The following FSCN1 variants were observed in gnomAD, a reference collection of about 807,000 sequenced individuals.
FSCN1 encodes fascin actin-bundling protein 1, also known as fascin.
Under a neutral mutation model 39.7 loss-of-function variants are expected in FSCN1, and 10 were observed. That is an observed-to-expected ratio of 0.25 (90% CI 0.16 to 0.43). FSCN1 has a LOEUF of 0.43. FSCN1 is among the 20% of genes least tolerant of loss of function. FSCN1 has a pLI of 1.00. For missense variants in FSCN1, 525 were observed against 723.8 expected, an observed-to-expected ratio of 0.73 and a Z score of 3.15; for synonymous variants, 322 against 320.0, an observed-to-expected ratio of 1.01 and a Z score of -0.07.
At chr7:5,598,648 C>A (rs1318659552) in intron 1 of FSCN1, among the ~76,000 whole-genome samples, 2 of 152,330 alleles carry the variant, frequency 1.3e-5, no homozygotes, top group African/African-American at 2.4e-5. Context: ...TCCACTGTCT[C>A]CCCTTCTCCT....
rs1009002593 is a variant in FSCN1 at position 5,592,854 on chromosome 7, C to T, written c.-83C>T. 6 of 804,292 alleles carry T rather than the reference C, an allele frequency of 7.5e-6. No homozygotes were observed. The highest frequency in any genetic ancestry group is 3.2e-5 in the Admixed American group (1 of 31,516). 49.8% of individuals were successfully genotyped at this position (804,292 alleles called of 1,614,324 possible). On this transcript the variant is annotated 5_prime_UTR_variant, in exon 1 of 5. Transcript: ENST00000382361. The surrounding 1 kb of genome is among the most constrained non-coding windows in gnomAD (Gnocchi z 5.3). ...GAGGGTGCGTGCGGGCCGCGGCAGC[C>T]GAACAAAGGAGCAGGGGCGCCGCCG... is the stretch of plus-strand genomic sequence containing the variant.
In FSCN1 at chr7:5,592,843, G is replaced by T; in HGVS notation, c.-94G>T. On this transcript the variant is annotated 5_prime_UTR_variant, in exon 1 of 5. Coordinates refer to ENST00000382361, the MANE Select transcript of FSCN1 (RefSeq NM_003088.4). The surrounding 1 kb of genome is among the most constrained non-coding windows in gnomAD (Gnocchi z 5.3). Reference sequence around the variant, plus strand: ...GGAGCGCTGCGGAGGGTGCGTGCGGGCCGCGGCAGCCGAACAAAGGAGCAG... The same window carrying T: ...GGAGCGCTGCGGAGGGTGCGTGCGGTCCGCGGCAGCCGAACAAAGGAGCAG... 2.8e-6 allele frequency: 2 copies of T among 715,880 alleles called. No homozygotes were observed. The highest frequency in any genetic ancestry group is 4.5e-6 in the Non-Finnish European group (2 of 445,506). The allele number at this position is 715,880 out of a possible 1,614,324, so 44.3% of individuals were successfully genotyped here.
In FSCN1 at chr7:5,605,293, C is replaced by T. The variant is rs772568749; in HGVS notation, c.1301C>T (p.Thr434Met). 3.1e-5 allele frequency: 50 copies of T among 1,613,064 alleles called. No individual in the cohort carries two copies. Among genetic ancestry groups the T allele is most frequent in the South Asian group, 2.6e-4 (24 of 91,074 alleles). The change falls in exon 5 of 5, where the codon ACG (threonine) becomes ATG (methionine). Residue 434 changes from threonine to methionine, a missense_variant. Physicochemically the swap from Thr to Met is moderately conservative, Grantham distance 81 (BLOSUM62 -1). This residue lies in a region of FSCN1 where 275 missense variants were observed against 351.9 expected (regional missense o/e 0.78). Transcript: ENST00000382361. This position sits in a 1 kb window ranked among gnomAD's most constrained non-coding sequence, Gnocchi z 6.9. Reference protein sequence around the residue: ...NIKDSTGKYWTVGSDSAVTSS... With the variant: ...NIKDSTGKYWMVGSDSAVTSS... ...CCAGACTCCACAGGCAAATACTGGA[C>T]GGTGGGCAGTGACTCCGCGGTCACC...
rs1785783471 is a variant in FSCN1, at chr7:5,599,180, G to A, written c.833-4077G>A. Among the ~76,000 whole-genome samples the A allele has an allele frequency of 6.6e-6, 1 of 152,174 alleles. No individual in the cohort carries two copies. Among genetic ancestry groups the A allele is most frequent in the Non-Finnish European group, 1.5e-5 (1 of 68,008 alleles). On this transcript the variant is annotated intron_variant, in intron 1 of 4. Transcript: ENST00000382361. This position sits in a 1 kb window ranked among gnomAD's most constrained non-coding sequence, Gnocchi z 5.6. ...TCCCGTGCTTGGCTGGGGTGTGGTGGCTGAGCCAGCCCACCCAGTGCGGTG... is the reference window on the plus strand; with the variant it reads ...TCCCGTGCTTGGCTGGGGTGTGGTGACTGAGCCAGCCCACCCAGTGCGGTG...
chr7:5,604,072 G>C (rs758354528), intron 4 of FSCN1, 42 bp downstream of exon 4: 1 of 1,588,712 alleles, frequency 6.3e-7, no homozygotes, highest in Admixed American at 1.7e-5. Flanking sequence ...GGAACCCCTC[G>C]GTCGGGGCTG....
At chr7:5,602,095 G>A (rs1375685379) in intron 1 of FSCN1, among the ~76,000 whole-genome samples, 10 of 151,796 alleles carry the variant, frequency 6.6e-5, no homozygotes, top group African/African-American at 2.4e-4. Flanking sequence ...TAGTAGAGAC[G>A]GGGTGACTCC....
intron 1 of FSCN1, chr7:5,594,027 C>T (rs1160321418): frequency 1.6e-5 from 8 of 509,984 alleles, no homozygotes; most frequent in African/African-American, 1.5e-4. Flanking sequence ...GAGTCGCAAC[C>T]GTACGTGCAC....
chr7:5,602,412 AC>A (rs982315793), intron 1 of FSCN1, among the ~76,000 whole-genome samples: 1 of 152,100 alleles, frequency 6.6e-6, no homozygotes, highest in African/African-American at 2.4e-5. Flanking sequence ...AGAAGCAGGA[AC>A]AATAGCATGA....
chr7:5,597,432 A>C (rs1479582895), intron 1 of FSCN1, among the ~76,000 whole-genome samples: 1 of 152,064 alleles, frequency 6.6e-6, no homozygotes, highest in Non-Finnish European at 1.5e-5. Context: ...TTGGGAGTCC[A>C]AGGTGGGTGG....
At position 5,603,944 on chromosome 7, in the gene FSCN1, G is replaced by A. The variant is rs761467264; in HGVS notation, c.1193G>A (p.Arg398His). 9.9e-6 allele frequency: 16 copies of A among 1,613,822 alleles called. No individual in the cohort carries two copies. The Admixed American group carries it at 2.2e-4, about 22-fold the overall frequency. ...FRGEHGFIGCRKVTGTLDANR... is the reference protein window; with the variant it reads ...FRGEHGFIGCHKVTGTLDANR... ...GGGGAGCATGGCTTCATCGGCTGCC[G>A]CAAGGTCACGGGCACCCTGGACGCC... The change falls in exon 4 of 5, where the codon CGC becomes CAC. Residue 398 changes from arginine (R) to histidine (H), a missense_variant. Coordinates refer to ENST00000382361, the MANE Select transcript of FSCN1 (RefSeq NM_003088.4). The surrounding 1 kb of genome is among the most constrained non-coding windows in gnomAD (Gnocchi z 8.5).
chr7:5,603,853 T>G lies in FSCN1; in HGVS notation c.1112-10T>G. 6.2e-7 allele frequency: 1 copy of G among 1,610,164 alleles called. No homozygotes were observed. Among genetic ancestry groups the G allele is most frequent in the Non-Finnish European group, 8.5e-7 (1 of 1,177,362 alleles). ...CAGGAGGCTCACTGACTCCCCTCTT[T>G]CTGGGACAGGGGACTCAGAGCTCTT... On this transcript the variant is annotated splice_polypyrimidine_tract_variant and intron_variant, in intron 3 of 4. Transcript: ENST00000382361. The surrounding 1 kb of genome is among the most constrained non-coding windows in gnomAD (Gnocchi z 8.5).
At position 5,603,260 on chromosome 7, in the gene FSCN1, T is replaced by C; in HGVS notation, c.836T>C (p.Met279Thr). 6.2e-7 allele frequency: 1 copy of C among 1,611,874 alleles called. No individual in the cohort carries two copies. The highest frequency in any genetic ancestry group is 8.5e-7 in the Non-Finnish European group (1 of 1,179,920). ...NERNVSTRQG[M>T]DLSANQDEET... ...GCCCAAGGCCTCCTCTCTGCAGGTA[T>C]GGACCTGTCTGCCAATCAGGACGAG... Residue 279 changes from methionine (M) to threonine (T), a missense_variant, in exon 2 of 5, where the codon ATG becomes ACG. Met to Thr is a moderately conservative substitution (Grantham distance 81). Transcript: ENST00000382361. This position sits in a 1 kb window ranked among gnomAD's most constrained non-coding sequence, Gnocchi z 8.5.
rs779914052 is a variant in FSCN1 at position 5,603,819 on chromosome 7, A to G, written c.1112-44A>G. ...CTCTGGTCACCCCAGCCTCCACCCC[A>G]CTCCCTGCCAGGAGGCTCACTGACT... is the stretch of plus-strand genomic sequence containing the variant. On this transcript the variant is annotated intron_variant, in intron 3 of 4. Transcript: ENST00000382361. This position sits in a 1 kb window ranked among gnomAD's most constrained non-coding sequence, Gnocchi z 8.5. 10 of 1,587,576 alleles carry G rather than the reference A, an allele frequency of 6.3e-6. No homozygotes were observed. Among genetic ancestry groups the G allele is most frequent in the Non-Finnish European group, 8.6e-6 (10 of 1,161,708 alleles).
chr7:5,604,470 A>G (rs1356853905), intron 4 of FSCN1, among the ~76,000 whole-genome samples: 2 of 151,458 alleles, frequency 1.3e-5, no homozygotes, highest in African/African-American at 4.9e-5. Flanking sequence ...GATTCAGAAC[A>G]TGGTTTTTTT....
intron 1 of FSCN1, among the ~76,000 whole-genome samples, chr7:5,595,646 G>A (rs1785717463): frequency 6.6e-6 from 1 of 152,202 alleles, no homozygotes; most frequent in Admixed American, 6.5e-5. Flanking sequence ...GTAGGCTGTG[G>A]GTGTCTCCTG....
At position 5,592,886 on chromosome 7, in the gene FSCN1, C is replaced by A; in HGVS notation, c.-51C>A. The A allele has an allele frequency of 2.5e-6, 3 of 1,195,412 alleles. No homozygotes were observed. The highest frequency in any genetic ancestry group is 3.4e-6 in the Non-Finnish European group (3 of 871,152). The allele number at this position is 1,195,412 out of a possible 1,614,324, so 74.1% of individuals were successfully genotyped here. On this transcript the variant is annotated 5_prime_UTR_variant, in exon 1 of 5. Transcript: ENST00000382361. The surrounding 1 kb of genome is among the most constrained non-coding windows in gnomAD (Gnocchi z 5.3). The stretch of plus-strand genomic sequence containing the variant: ...AGGAGCAGGGGCGCCGCCGCAGGGA[C>A]CCGCCACCCACCTCCCGGGGCCGCG...
rs1785870813 is a variant in FSCN1, at chr7:5,603,433, C to T, written c.989+20C>T. On this transcript the variant is annotated intron_variant, in intron 2 of 4. Transcript: ENST00000382361. The surrounding 1 kb of genome is among the most constrained non-coding windows in gnomAD (Gnocchi z 8.5). ...CAGCAAGTGAGTGCCTCGCTCCCAC[C>T]TGTCACCGCCCCCACCACCTTGCCT... is the stretch of plus-strand genomic sequence containing the variant. 6.2e-7 allele frequency: 1 copy of T among 1,613,802 alleles called. No individual in the cohort carries two copies. The highest frequency in any genetic ancestry group is 8.5e-7 in the Non-Finnish European group (1 of 1,179,950).
Position 5,603,412 on chromosome 7 carries a change from A to G in FSCN1, c.988A>G (p.Lys330Glu). The G allele has an allele frequency of 6.2e-7, 1 of 1,613,780 alleles. No individual in the cohort carries two copies. The highest frequency in any genetic ancestry group is 8.5e-7 in the Non-Finnish European group (1 of 1,180,004). The change falls in exon 2 of 5, where the codon AAG (lysine) becomes GAG (glutamate). Residue 330 changes from lysine (K) to glutamate (E), a missense_variant and splice_region_variant. Coordinates refer to ENST00000382361, the MANE Select transcript of FSCN1 (RefSeq NM_003088.4). The surrounding 1 kb of genome is among the most constrained non-coding windows in gnomAD (Gnocchi z 8.5). ...GGGCGTGCAGTCCACCGCCTCCAGC[A>G]AGTGAGTGCCTCGCTCCCACCTGTC... ...TGGVQSTASS[K>E]NASCYFDIEW...
chr7:5,601,392 G>A lies in FSCN1; in HGVS notation c.833-1865G>A, dbSNP rs181247737. On this transcript the variant is annotated intron_variant, in intron 1 of 4. Coordinates refer to ENST00000382361, the MANE Select transcript of FSCN1 (RefSeq NM_003088.4). The stretch of plus-strand genomic sequence containing the variant: ...TAATTTTTGTATTTTTAGTAGAGGC[G>A]GGGTTTCACCATGTTGGCAAGGCTG... Among the ~76,000 whole-genome samples the A allele has an allele frequency of 4.6e-5, 7 of 151,244 alleles. No homozygotes were observed. In the South Asian group the frequency reaches 6.3e-4, roughly 14 times the overall value.
Sources: allele counts gnomAD v4.1 joint callset (sites outside exome capture counted in the v4.1 genomes callset), GRCh38; gene constraint gnomAD v4.1.1; regional missense constraint gnomAD v4.1.1; non-coding constraint Gnocchi (gnomAD v3.1); transcripts MANE v1.5; gene names NCBI Gene and HGNC (gene_info 2026-07-23, HGNC 2026-07-21).